ADCY8: variants seen among roughly 807,000 people sequenced by gnomAD.
The protein encoded by ADCY8 is adenylate cyclase 8, also known as adenylate cyclase type 8.
A neutral mutation model predicts 119.7 loss-of-function variants in ADCY8; 51 were observed. The ratio of observed to expected loss-of-function variants is 0.43; its 90% CI spans 0.34 to 0.54. The LOEUF is 0.54. Among genes scored for constraint, ADCY8 ranks in the 20% least tolerant of loss-of-function variants. ADCY8 has a pLI of 0.03. For missense variants in ADCY8, 1,383 were observed against 1,598.8 expected (o/e 0.87, Z 2.30); for synonymous variants, 665 against 651.0 (o/e 1.02, Z -0.33).
At chr8:130,824,972 C>T (rs893715221) in intron 12 of ADCY8, among the ~76,000 whole-genome samples, 1 of 152,188 alleles carries the variant, frequency 6.6e-6, no homozygotes, top group African/African-American at 2.4e-5. Context: ...TTGTAGCAGA[C>T]AGTGTTCTTT....
intron 12 of ADCY8, among the ~76,000 whole-genome samples, chr8:130,831,669 T>C (rs540636743): frequency 3.0e-4 from 46 of 152,274 alleles, no homozygotes; most frequent in Middle Eastern, 3.4e-3. Flanking sequence ...GATTTAAAAA[T>C]CCTAAGTAAA....
chr8:130,938,646 C>T (rs1820865525), intron 4 of ADCY8, among the ~76,000 whole-genome samples: 1 of 152,118 alleles, frequency 6.6e-6, no homozygotes, highest in African/African-American at 2.4e-5. Context: ...AGGAGTTGGA[C>T]ATTATGTTTG....
At chr8:130,998,286 C>G (rs888649087) in intron 1 of ADCY8, among the ~76,000 whole-genome samples, 23 of 152,072 alleles carry the variant, frequency 1.5e-4, no homozygotes, top group Admixed American at 7.9e-4. Flanking sequence ...TCAGAGAAGG[C>G]CTCTCTGATA....
intron 6 of ADCY8, 91 bp from the exon 7 acceptor site, chr8:130,904,133 T>C: frequency 3.2e-6 from 4 of 1,263,296 alleles, no homozygotes; most frequent in Non-Finnish European, 4.4e-6. Context: ...ACACCAGGGT[T>C]ACACAAGGGT....
chr8:130,789,352 G>T (rs1484985476), intron 15 of ADCY8, among the ~76,000 whole-genome samples: 1 of 152,118 alleles, frequency 6.6e-6, no homozygotes. Context: ...AGCTTCGTGG[G>T]TGCCTCTCTC....
intron 5 of ADCY8, among the ~76,000 whole-genome samples, chr8:130,922,294 G>A (rs567434317): frequency 1.3e-5 from 2 of 150,638 alleles, no homozygotes; most frequent in Non-Finnish European, 3.0e-5. Flanking sequence ...ATAGTGGAGG[G>A]AAGGTCAGCA....
intron 9 of ADCY8, among the ~76,000 whole-genome samples, chr8:130,862,820 G>T: frequency 6.6e-6 from 1 of 152,070 alleles, no homozygotes; most frequent in Non-Finnish European, 1.5e-5. Context: ...TTCTATTATT[G>T]AATTTTAGTT....
chr8:130,815,338 G>A (rs397297), intron 13 of ADCY8, among the ~76,000 whole-genome samples: 25,523 of 152,184 alleles, frequency 0.17, 2,718 homozygotes, highest in South Asian at 0.32. Flanking sequence ...CACTTACCAC[G>A]TAGTAACAGG....
intron 6 of ADCY8, among the ~76,000 whole-genome samples, chr8:130,908,808 G>A (rs1206085784): frequency 1.3e-5 from 2 of 152,152 alleles, no homozygotes. Flanking sequence ...ATAGAGTTTA[G>A]CAAGGGGCAG....
intron 2 of ADCY8, among the ~76,000 whole-genome samples, chr8:130,968,500 C>G (rs1821831717): frequency 1.3e-5 from 2 of 152,164 alleles, no homozygotes; most frequent in East Asian, 1.9e-4. Flanking sequence ...ATCACTATTC[C>G]TTGGCAGTTT....
chr8:131,017,193 C>A (rs551540830), intron 1 of ADCY8, among the ~76,000 whole-genome samples: 43 of 152,226 alleles, frequency 2.8e-4, no homozygotes, highest in Middle Eastern at 6.8e-3. Context: ...CCTCAGCCTC[C>A]CTAGTAGCTG....
At chr8:130,876,524 T>C (rs140687304) in intron 8 of ADCY8, among the ~76,000 whole-genome samples, 1,914 of 152,270 alleles carry the variant, frequency 0.013, 45 homozygotes, top group African/African-American at 0.043. Context: ...AAATGTTTCA[T>C]GTGTTCATGT....
chr8:131,014,693 A>G (rs1401941512), intron 1 of ADCY8, among the ~76,000 whole-genome samples: 1 of 152,180 alleles, frequency 6.6e-6, no homozygotes, highest in African/African-American at 2.4e-5. Flanking sequence ...TAGTTGTGAG[A>G]ACACAGGGAA....
Position 130,943,438 on chromosome 8 carries a change from T to A in ADCY8, c.1266A>T (p.Gly422=). 1 of 1,499,040 alleles carries A rather than the reference T, an allele frequency of 6.7e-7. No homozygotes were observed. Among genetic ancestry groups the A allele is most frequent in the Non-Finnish European group, 9.0e-7 (1 of 1,113,718 alleles). 92.9% of individuals were successfully genotyped at this position (1,499,040 alleles called of 1,614,324 possible). The change falls in exon 4 of 18, where the codon GGA becomes GGT. Residue 422 remains glycine (G), a synonymous_variant. Transcript: ENST00000286355. Reference sequence around the variant, plus strand: ...ACAAGGTCGTGGAGAGGTTGGTAAATCCTTTAACATCTGCAAAAAGAATAC... The same window carrying A: ...ACAAGGTCGTGGAGAGGTTGGTAAAACCTTTAACATCTGCAAAAAGAATAC... ...NVSILFADVK[G]FTNLSTTLSA... is the part of the protein sequence containing the mutation.
At chr8:130,982,667 T>C (rs1822274580) in intron 2 of ADCY8, among the ~76,000 whole-genome samples, 1 of 152,196 alleles carries the variant, frequency 6.6e-6, no homozygotes, top group Admixed American at 6.5e-5. Flanking sequence ...AGAAATACAA[T>C]GTGAACCACA....
At chr8:130,905,986 C>A (rs899296900) in intron 6 of ADCY8, among the ~76,000 whole-genome samples, 6 of 152,232 alleles carry the variant, frequency 3.9e-5, no homozygotes, top group Non-Finnish European at 8.8e-5. Flanking sequence ...TAGTTCATTG[C>A]AAAGAACATG....
rs190608023 is a variant in ADCY8 at position 130,833,979 on chromosome 8, A to G, written c.2675+2298T>C. ...AAATAAATTCAAGAGATCGATTGTAAAACATGGCAACTATAGCTAATAGCA... is the reference window on the plus strand; with the variant it reads ...AAATAAATTCAAGAGATCGATTGTAGAACATGGCAACTATAGCTAATAGCA... On this transcript the variant is annotated intron_variant, in intron 12 of 17. Transcript: ENST00000286355. Among the ~76,000 whole-genome samples the G allele has an allele frequency of 3.9e-3, 600 of 152,272 alleles. 2 individuals carry two copies. Among genetic ancestry groups the G allele is most frequent in the Non-Finnish European group, 6.3e-3 (426 of 67,992 alleles).
chr8:130,951,957 C>T lies in ADCY8; in HGVS notation c.1152G>A (p.Leu384=), dbSNP rs1821287235. ...VLSVLPRFVV[L]EMINDMTNVE... is the part of the protein sequence containing the mutation. ...CATTGGTCATGTCGTTGATCATTTC[C>T]AGGACAACAAACCGGGGGAGCACAG... The change falls in exon 3 of 18, where the codon CTG becomes CTA. Residue 384 remains leucine (L), a synonymous_variant. Coordinates refer to ENST00000286355, the MANE Select transcript of ADCY8 (RefSeq NM_001115.3). The T allele has an allele frequency of 3.1e-6, 5 of 1,613,916 alleles. No homozygotes were observed. The highest frequency in any genetic ancestry group is 1.3e-5 in the African/African-American group (1 of 74,882).
chr8:130,780,836 T>C lies in ADCY8; in HGVS notation c.3310A>G (p.Lys1104Glu). 6.2e-7 allele frequency: 1 copy of C among 1,614,118 alleles called. No individual in the cohort carries two copies. The highest frequency in any genetic ancestry group is 8.5e-7 in the Non-Finnish European group (1 of 1,179,990). ...CCCCAAATGTCATACTGTGGTTTCT[T>C]AGCGCCGATAACGCCAGCTACCACT... ...GSVVAGVIGAKKPQYDIWGKT... is the reference protein window; with the variant it reads ...GSVVAGVIGAEKPQYDIWGKT... The change falls in exon 18 of 18, where the codon AAG (lysine) becomes GAG (glutamate). Residue 1104 changes from lysine (K) to glutamate (E), a missense_variant. This residue lies in a region of ADCY8 where 928 missense variants were observed against 1,163.5 expected (regional missense o/e 0.80). Transcript: ENST00000286355.
Sources: allele counts gnomAD v4.1 joint callset (sites outside exome capture counted in the v4.1 genomes callset), GRCh38; gene constraint gnomAD v4.1.1; regional missense constraint gnomAD v4.1.1; transcripts MANE v1.5; gene names NCBI Gene and HGNC (gene_info 2026-07-23, HGNC 2026-07-21).